Variants in AK7 observed in about 807,000 individuals in gnomAD.
The protein encoded by AK7 is ATP-AMP transphosphorylase 7.
Under a neutral mutation model 96.6 loss-of-function variants are expected in AK7, and 78 were observed. The observed-to-expected ratio is 0.81, with a 90% confidence interval of 0.67 to 0.97. AK7 has a LOEUF of 0.97. AK7 is among the 50% of genes least tolerant of loss of function. The pLI is 0.00. For synonymous variants in AK7, 302 were observed against 317.2 expected, an observed-to-expected ratio of 0.95 and a Z score of 0.51; for missense variants, 855 against 887.9, an observed-to-expected ratio of 0.96 and a Z score of 0.47.
intron 4 of AK7, among the ~76,000 whole-genome samples, chr14:96,412,226 CT>C (rs34331496): frequency 0.05 from 6,085 of 120,814 alleles, 163 homozygotes; most frequent in African/African-American, 0.11. Context: ...TTCTTTCTTT[CT>C]TTTTTTTTTT....
intron 3 of AK7, chr14:96,405,089 T>C (rs1890632797): frequency 3.8e-6 from 1 of 261,080 alleles, no homozygotes; most frequent in East Asian, 6.6e-5. Flanking sequence ...CTCATGCCTG[T>C]AATCCTAATA....
chr14:96,481,703 C>T (rs1483135773), intron 15 of AK7, among the ~76,000 whole-genome samples: 1 of 147,076 alleles, frequency 6.8e-6, no homozygotes, highest in Non-Finnish European at 1.5e-5. Flanking sequence ...ATGACTTTTA[C>T]CTTTTTTTTT....
intron 5 of AK7, among the ~76,000 whole-genome samples, chr14:96,433,948 A>G (rs1892498040): frequency 6.6e-6 from 1 of 152,118 alleles, no homozygotes; most frequent in Admixed American, 6.5e-5. Context: ...TGGAATTCTG[A>G]ATTCCTTCTC....
intron 6 of AK7, among the ~76,000 whole-genome samples, chr14:96,441,884 C>T (rs939213320): frequency 5.3e-5 from 8 of 152,000 alleles, no homozygotes; most frequent in African/African-American, 1.4e-4. Flanking sequence ...TACCCTATTT[C>T]GCCTGCACAC....
rs1595432205 is a variant in AK7 at position 96,451,442 on chromosome 14, C to T, written c.970C>T (p.Leu324=). 10 of 1,580,610 alleles carry T rather than the reference C, an allele frequency of 6.3e-6. No individual in the cohort carries two copies. In the Middle Eastern group the frequency reaches 5.1e-4, roughly 80 times the overall value. ...DLTQDCLDHL[L]VNLRMEALFV... is the part of the protein sequence containing the mutation. ...TCAGCAAGATTGTCTTGACCATTTA[C>T]TGGTCAACTTAAGAATGGAAGCGCT... is the stretch of plus-strand genomic sequence containing the variant. The change falls in exon 10 of 18, where the codon CTG becomes TTG. Residue 324 remains leucine, a synonymous_variant. Coordinates refer to ENST00000267584, the MANE Select transcript of AK7 (RefSeq NM_152327.5).
intron 2 of AK7, among the ~76,000 whole-genome samples, chr14:96,402,273 A>G (rs1890460606): frequency 6.6e-6 from 1 of 152,148 alleles, no homozygotes; most frequent in African/African-American, 2.4e-5. Context: ...CTATTACTAC[A>G]GTCAAAAGCA....
At chr14:96,446,049 G>A (rs143159123) in intron 7 of AK7, among the ~76,000 whole-genome samples, 2,278 of 152,292 alleles carry the variant, frequency 0.015, 68 homozygotes, top group African/African-American at 0.052. Flanking sequence ...CTGTTGCTGC[G>A]TGACTTCCTT....
At chr14:96,407,872 C>A (rs1017886837) in intron 3 of AK7, among the ~76,000 whole-genome samples, 2 of 152,144 alleles carry the variant, frequency 1.3e-5, no homozygotes, top group African/African-American at 2.4e-5. Context: ...AGCCACCACG[C>A]CCGGCCGATA....
intron 1 of AK7, among the ~76,000 whole-genome samples, chr14:96,394,074 G>T (rs949036009): frequency 6.6e-6 from 1 of 150,834 alleles, no homozygotes; most frequent in Admixed American, 6.6e-5. Context: ...GCACCACTTC[G>T]CTCCAGCCTG....
intron 2 of AK7, among the ~76,000 whole-genome samples, chr14:96,403,048 G>A (rs989235292): frequency 1.3e-5 from 2 of 151,754 alleles, no homozygotes; most frequent in Non-Finnish European, 2.9e-5. Context: ...TCTGGGAGGT[G>A]GAGGTTGCAG....
intron 12 of AK7, among the ~76,000 whole-genome samples, chr14:96,460,528 G>A (rs1347536810): frequency 6.6e-6 from 1 of 152,166 alleles, no homozygotes; most frequent in Non-Finnish European, 1.5e-5. Flanking sequence ...AGGGGCTCTT[G>A]AGATTCTCCT....
intron 12 of AK7, among the ~76,000 whole-genome samples, chr14:96,462,782 A>T (rs1455299760): frequency 6.7e-6 from 1 of 148,504 alleles, no homozygotes; most frequent in East Asian, 1.9e-4. Flanking sequence ...GCTTGCAGCT[A>T]TCTAATTTTT....
At position 96,477,590 on chromosome 14, in the gene AK7, A is replaced by G. The variant is rs1385114569; in HGVS notation, c.1556-875A>G. Among the ~76,000 whole-genome samples, 3 of 152,344 alleles carry G rather than the reference A, an allele frequency of 2.0e-5. No homozygotes were observed. In the East Asian group the frequency reaches 5.8e-4, roughly 29 times the overall value. On this transcript the variant is annotated intron_variant, in intron 14 of 17. Coordinates refer to ENST00000267584, the MANE Select transcript of AK7 (RefSeq NM_152327.5). ...ACTTAAATCTCTCATTCACTCAACA[A>G]TTATCTATTGAATTTGTACTAGAAG...
At chr14:96,473,794 C>T (rs1595459937) in intron 14 of AK7, among the ~76,000 whole-genome samples, 1 of 152,168 alleles carries the variant, frequency 6.6e-6, no homozygotes, top group South Asian at 2.1e-4. Context: ...TAGCCTCCTT[C>T]CCTGCCCTGG....
chr14:96,447,288 G>A (rs1420586728), intron 8 of AK7, among the ~76,000 whole-genome samples: 1 of 152,106 alleles, frequency 6.6e-6, no homozygotes, highest in African/African-American at 2.4e-5. Context: ...AATTCCAGGA[G>A]TTCTATTTTT....
At position 96,398,149 on chromosome 14, in the gene AK7, G is replaced by C; in HGVS notation, c.180G>C (p.Lys60Asn). ...AAGAGGAAGAGGAAGATGAAAATAA[G>C]TCAGCTATGCTGGAAGCTTCCTCAA... ...TEEEEEEDEN[K>N]SAMLEASSTK... The change falls in exon 2 of 18, where the codon AAG becomes AAC. Residue 60 changes from lysine to asparagine, a missense_variant. Lys to Asn is a moderately conservative substitution (Grantham distance 94). Coordinates refer to ENST00000267584, the MANE Select transcript of AK7 (RefSeq NM_152327.5). 1 of 1,614,182 alleles carries C rather than the reference G, an allele frequency of 6.2e-7. No homozygotes were observed. The highest frequency in any genetic ancestry group is 8.5e-7 in the Non-Finnish European group (1 of 1,180,028).
chr14:96,423,818 C>T lies in AK7; in HGVS notation c.609+2886C>T, dbSNP rs963116141. 1.3e-5 allele frequency: 10 copies of T among 767,684 alleles called. No individual in the cohort carries two copies. The African/African-American group carries it at 1.5e-4, about 12-fold the overall frequency. 47.6% of individuals were successfully genotyped at this position (767,684 alleles called of 1,614,324 possible). On this transcript the variant is annotated intron_variant, in intron 5 of 17. Coordinates refer to ENST00000267584, the MANE Select transcript of AK7 (RefSeq NM_152327.5). ...ACGGGGGGACGCCACCTTGAATTTG[C>T]CACGGTGGTCTCCGGAGCGGTTGCT...
At chr14:96,462,967 C>G (rs1894339441) in intron 12 of AK7, among the ~76,000 whole-genome samples, 1 of 152,064 alleles carries the variant, frequency 6.6e-6, no homozygotes, top group South Asian at 2.1e-4. Context: ...GAAACCCTCT[C>G]TCTGCTAACG....
chr14:96,458,040 G>A (rs1447618087), intron 11 of AK7, 43 bp from the exon 12 acceptor site: 2 of 1,604,084 alleles, frequency 1.2e-6, no homozygotes, highest in Admixed American at 1.7e-5. Flanking sequence ...ATAGCAAATG[G>A]ATGTGGGGCA....
Sources: gnomAD v4.1 joint callset for allele counts (sites outside exome capture counted in the v4.1 genomes callset) on GRCh38, gnomAD v4.1.1 for gene constraint, MANE v1.5 for transcripts, NCBI Gene and HGNC (gene_info 2026-07-23, HGNC 2026-07-21) for gene names.